GALNT9: variants seen among roughly 807,000 people sequenced by gnomAD.
The protein encoded by GALNT9 is polypeptide N-acetylgalactosaminyltransferase 9, also known as GalNAc transferase 9.
GALNT9 carries 47 observed loss-of-function variants against 63.1 expected under a neutral mutation model. The ratio of observed to expected loss-of-function variants is 0.75; its 90% CI spans 0.59 to 0.95. The LOEUF (loss-of-function observed/expected upper bound fraction) is 0.95. Among genes scored for constraint, GALNT9 ranks in the 40% least tolerant of loss-of-function variants. GALNT9 has a pLI of 0.00. For synonymous variants in GALNT9, 396 were observed against 365.7 expected, an observed-to-expected ratio of 1.08 and a Z score of -0.94; for missense variants, 829 against 874.8, an observed-to-expected ratio of 0.95 and a Z score of 0.66.
At chr12:132,258,149 T>A (rs1406571105) in intron 4 of GALNT9, among the ~76,000 whole-genome samples, 2 of 152,158 alleles carry the variant, frequency 1.3e-5, no homozygotes, top group Admixed American at 6.5e-5. Context: ...ACCGGCCACG[T>A]TGGCCCAACT....
chr12:132,240,511 G>C (rs1555236827), intron 6 of GALNT9: 3 of 426,976 alleles, frequency 7.0e-6, no homozygotes, highest in African/African-American at 4.1e-5. Flanking sequence ...ACTCACTCCA[G>C]TCGCTGGCAG....
rs1875534922 is a variant in GALNT9, at chr12:132,196,795, C to T, written c.*312G>A. The T allele has an allele frequency of 8.8e-6, 10 of 1,134,626 alleles. No homozygotes were observed. The highest frequency in any genetic ancestry group is 6.1e-5 in the East Asian group (1 of 16,300). The allele number at this position is 1,134,626 out of a possible 1,614,324, so 70.3% of individuals were successfully genotyped here. The stretch of plus-strand genomic sequence containing the variant: ...CTATGGGGCGTGGGGGGCTGTGGTA[C>T]ATGCAGAGGCGGCGGCTGTCCCAGC... On this transcript the variant is annotated 3_prime_UTR_variant, in exon 11 of 11. Coordinates refer to ENST00000328957, the MANE Select transcript of GALNT9 (RefSeq NM_001122636.2).
Position 132,216,934 on chromosome 12 carries a change from C to T in GALNT9, c.1078-13244G>A, listed in dbSNP as rs114581978. On this transcript the variant is annotated intron_variant, in intron 6 of 10. Transcript: ENST00000328957. ...TTGACTGATAGGTTTAGCTGTGTGACGAACTGTGTGTTTCCTTTTGGGTGT... is the reference window on the plus strand; with the variant it reads ...TTGACTGATAGGTTTAGCTGTGTGATGAACTGTGTGTTTCCTTTTGGGTGT... Among the ~76,000 whole-genome samples the T allele has an allele frequency of 2.6e-3, 397 of 152,296 alleles. 3 individuals are homozygous for T. Among genetic ancestry groups the T allele is most frequent in the African/African-American group, 9.1e-3 (377 of 41,544 alleles).
chr12:132,220,712 A>G (rs1286886763), intron 6 of GALNT9, among the ~76,000 whole-genome samples: 1 of 152,200 alleles, frequency 6.6e-6, no homozygotes, highest in Non-Finnish European at 1.5e-5. Flanking sequence ...ACCCACCTCC[A>G]ACAAGATTTC....
rs777313868 is a variant in GALNT9 at position 132,197,870 on chromosome 12, G to C, written c.1587C>G (p.Asp529Glu). ...TCAGGGTGGGCATGCGGCCCGTGCC[G>C]TCATCCACCAGACACTTGGAGTCAG... Reference protein sequence around the residue: ...FLPDSKCLVDDGTGRMPTLKK... With the variant: ...FLPDSKCLVDEGTGRMPTLKK... The change falls in exon 10 of 11, where the codon GAC (aspartate) becomes GAG (glutamate). Residue 529 changes from aspartate (D) to glutamate (E), a missense_variant. Coordinates refer to ENST00000328957, the MANE Select transcript of GALNT9 (RefSeq NM_001122636.2). 7.5e-6 allele frequency: 12 copies of C among 1,610,478 alleles called. 1 individual carries two copies. In the South Asian group the frequency reaches 1.3e-4, roughly 18 times the overall value.
chr12:132,224,915 A>G (rs1300789949), intron 6 of GALNT9, among the ~76,000 whole-genome samples: 1 of 139,218 alleles, frequency 7.2e-6, no homozygotes, highest in Non-Finnish European at 1.5e-5. Context: ...CTGTATATAC[A>G]CGTGCCACAT....
chr12:132,251,839 C>T (rs1878928153), intron 5 of GALNT9, among the ~76,000 whole-genome samples: 1 of 152,208 alleles, frequency 6.6e-6, no homozygotes, highest in Admixed American at 6.5e-5. Flanking sequence ...AGCCTCTGGG[C>T]ACCCACAGCC....
chr12:132,213,728 A>T (rs1315923809), intron 6 of GALNT9, among the ~76,000 whole-genome samples: 1 of 152,168 alleles, frequency 6.6e-6, no homozygotes, highest in Non-Finnish European at 1.5e-5. Context: ...TGTTCAGGGG[A>T]CATGAGGCCC....
At chr12:132,313,880 GTACA>G (rs1179084414) in intron 1 of GALNT9, among the ~76,000 whole-genome samples, 2 of 79,454 alleles carry the variant, frequency 2.5e-5, no homozygotes, top group Admixed American at 1.8e-4. Flanking sequence ...CCATCCATCC[GTACA>G]TACATACATA....
At chr12:132,219,459 C>G (rs1401335839) in intron 6 of GALNT9, among the ~76,000 whole-genome samples, 1 of 152,144 alleles carries the variant, frequency 6.6e-6, no homozygotes. Flanking sequence ...TGGGGACCAT[C>G]GGCGGGACAG....
chr12:132,210,824 TCTGGAGGTC>T (rs1394366666), intron 6 of GALNT9, among the ~76,000 whole-genome samples: 6 of 136,790 alleles, frequency 4.4e-5, no homozygotes, highest in African/African-American at 1.9e-4. Context: ...GTGGTCGCCG[TCTGGAGGTC>T]GCCGTCTGGA....
intron 6 of GALNT9, 145 bp from the exon 7 acceptor site, chr12:132,203,835 C>T: frequency 1.2e-6 from 1 of 827,678 alleles, no homozygotes; most frequent in Non-Finnish European, 1.8e-6. Context: ...GGTCCCGGGG[C>T]TTTGCCTCTC....
In GALNT9 at chr12:132,240,740, C is replaced by G. The variant is rs1229801466; in HGVS notation, c.1077+7170G>C. ...AACCCTTCTGTTTCCTGGGAAGTTACCAGAACCTGATCACCAGCAGAATTG... is the reference window on the plus strand; with the variant it reads ...AACCCTTCTGTTTCCTGGGAAGTTAGCAGAACCTGATCACCAGCAGAATTG... On this transcript the variant is annotated intron_variant, in intron 6 of 10. Coordinates refer to ENST00000328957, the MANE Select transcript of GALNT9 (RefSeq NM_001122636.2). 8.8e-6 allele frequency: 4 copies of G among 455,642 alleles called. No homozygotes were observed. In the Admixed American group the frequency reaches 9.4e-5, roughly 11 times the overall value. The allele number at this position is 455,642 out of a possible 1,614,324, so 28.2% of individuals were successfully genotyped here. A position where few individuals can be genotyped will look rare whatever the true frequency, so the allele number is the denominator to read the frequency against.
intron 5 of GALNT9, among the ~76,000 whole-genome samples, chr12:132,255,288 C>T (rs1209230420): frequency 6.6e-6 from 1 of 152,188 alleles, no homozygotes; most frequent in African/African-American, 2.4e-5. Context: ...TGACAGTTAG[C>T]AGGTCCCTAA....
intron 6 of GALNT9, among the ~76,000 whole-genome samples, chr12:132,216,398 C>T (rs1294773787): frequency 2.0e-5 from 3 of 152,236 alleles, no homozygotes; most frequent in African/African-American, 2.4e-5. Context: ...TTGCTGACGA[C>T]GTCCTGGAGA....
chr12:132,297,811 C>A (rs1457713909), intron 1 of GALNT9, among the ~76,000 whole-genome samples: 1 of 151,946 alleles, frequency 6.6e-6, no homozygotes, highest in African/African-American at 2.4e-5. Flanking sequence ...CTCATAATAA[C>A]CAACTCACTC....
At chr12:132,218,220 T>C (rs1484186486) in intron 6 of GALNT9, among the ~76,000 whole-genome samples, 1 of 152,172 alleles carries the variant, frequency 6.6e-6, no homozygotes, top group Non-Finnish European at 1.5e-5. Flanking sequence ...AGCTGTGTCA[T>C]CAAGATGAGG....
At chr12:132,237,969 C>A (rs2136895741) in intron 6 of GALNT9, among the ~76,000 whole-genome samples, 1 of 152,192 alleles carries the variant, frequency 6.6e-6, no homozygotes, top group Non-Finnish European at 1.5e-5. Flanking sequence ...CCCCAGCGTG[C>A]GGCCTAGACC....
chr12:132,217,489 T>C (rs1311430460), intron 6 of GALNT9, among the ~76,000 whole-genome samples: 2 of 144,172 alleles, frequency 1.4e-5, no homozygotes, highest in African/African-American at 5.1e-5. Flanking sequence ...CACCCACCCA[T>C]GCATCCCCAC....
Sources: gnomAD v4.1 joint callset for allele counts (sites outside exome capture counted in the v4.1 genomes callset) on GRCh38, gnomAD v4.1.1 for gene constraint, MANE v1.5 for transcripts, NCBI Gene and HGNC (gene_info 2026-07-23, HGNC 2026-07-21) for gene names.